The following PDE8A variants were observed in gnomAD, a reference collection of about 807,000 sequenced individuals.
PDE8A encodes the protein phosphodiesterase 8A.
PDE8A carries 59 observed loss-of-function variants against 105.0 expected under a neutral mutation model. The ratio of observed to expected loss-of-function variants is 0.56; its 90% CI spans 0.46 to 0.70. The LOEUF (loss-of-function observed/expected upper bound fraction) is 0.70. Among genes scored for constraint, PDE8A ranks in the 30% least tolerant of loss-of-function variants. The pLI is 0.00. For synonymous variants in PDE8A, 355 were observed against 371.9 expected, an observed-to-expected ratio of 0.95 and a Z score of 0.52; for missense variants, 1,014 against 1,045.9, an observed-to-expected ratio of 0.97 and a Z score of 0.42.
intron 1 of PDE8A, among the ~76,000 whole-genome samples, chr15:84,988,969 C>T (rs1269412886): frequency 6.6e-6 from 1 of 152,210 alleles, no homozygotes; most frequent in Admixed American, 6.5e-5. Flanking sequence ...TTAGATTTAA[C>T]AAAAGTTGTT....
Position 85,115,978 on chromosome 15 carries a change from T to C in PDE8A, c.1400-6T>C. ...TATTTGTTCTCCAAATTACATCACT[T>C]TACAGACACTCAAATGGTTTCAAGC... On this transcript the variant is annotated splice_region_variant and splice_polypyrimidine_tract_variant and intron_variant, in intron 15 of 21. Coordinates refer to ENST00000394553, the MANE Select transcript of PDE8A (RefSeq NM_002605.3). The C allele has an allele frequency of 1.9e-6, 3 of 1,612,190 alleles. No homozygotes were observed. The highest frequency in any genetic ancestry group is 2.5e-6 in the Non-Finnish European group (3 of 1,178,368).
At chr15:85,019,378 T>A (rs1171140188) in intron 1 of PDE8A, among the ~76,000 whole-genome samples, 1 of 152,004 alleles carries the variant, frequency 6.6e-6, no homozygotes, top group East Asian at 1.9e-4. Context: ...ATTTAAAAAA[T>A]TTTTGATTTG....
intron 3 of PDE8A, among the ~76,000 whole-genome samples, chr15:85,074,756 T>A (rs1334447931): frequency 6.6e-6 from 1 of 152,258 alleles, no homozygotes; most frequent in African/African-American, 2.4e-5. Context: ...TTTGAGAGAC[T>A]TGAGAACTAG....
chr15:85,098,193 C>T (rs2081792932), intron 9 of PDE8A, among the ~76,000 whole-genome samples, 157 bp downstream of exon 9: 2 of 152,182 alleles, frequency 1.3e-5, no homozygotes, highest in Non-Finnish European at 2.9e-5. Flanking sequence ...TGGTGACTTC[C>T]TCATGGCTAC....
rs113162501 is a variant in PDE8A at position 85,053,615 on chromosome 15, G to A, written c.187-10755G>A. Among the ~76,000 whole-genome samples, 24 of 142,188 alleles carry A rather than the reference G, an allele frequency of 1.7e-4. No individual in the cohort carries two copies. In the South Asian group the frequency reaches 3.7e-3, roughly 22 times the overall value. 93.3% of individuals were successfully genotyped at this position (142,188 alleles called of 152,430 possible). The stretch of plus-strand genomic sequence containing the variant: ...ATGGGAGTTCACTCATGATTTGGCT[G>A]TCTGTCTGTTATTGGTGTATAGGAA... On this transcript the variant is annotated intron_variant, in intron 1 of 21. Coordinates refer to ENST00000394553, the MANE Select transcript of PDE8A (RefSeq NM_002605.3).
At chr15:85,115,675 G>A (rs1390945003) in intron 15 of PDE8A, 188 bp downstream of exon 15, 4 of 545,988 alleles carry the variant, frequency 7.3e-6, no homozygotes, top group Admixed American at 7.4e-5. Context: ...CGGGAGCGGT[G>A]GCTCACACCG....
At chr15:85,124,524 T>G (rs1414842983) in intron 19 of PDE8A, among the ~76,000 whole-genome samples, 1 of 152,222 alleles carries the variant, frequency 6.6e-6, no homozygotes, top group Non-Finnish European at 1.5e-5. Flanking sequence ...CATAATTCCT[T>G]GACTTCTAAC....
intron 19 of PDE8A, among the ~76,000 whole-genome samples, chr15:85,124,314 G>C (rs1413176751): frequency 6.6e-6 from 1 of 152,088 alleles, no homozygotes; most frequent in Non-Finnish European, 1.5e-5. Flanking sequence ...TTAAGAACTG[G>C]TGCCTATTAT....
chr15:84,990,273 G>T (rs184170502), intron 1 of PDE8A, among the ~76,000 whole-genome samples: 15 of 152,266 alleles, frequency 9.9e-5, no homozygotes, highest in Non-Finnish European at 1.8e-4. Flanking sequence ...AATTTTATGT[G>T]TACCATTTGT....
At chr15:85,004,420 C>T (rs368929803) in intron 1 of PDE8A, among the ~76,000 whole-genome samples, 14 of 152,302 alleles carry the variant, frequency 9.2e-5, no homozygotes, top group East Asian at 5.8e-4. Context: ...AGATGTTCCT[C>T]CCACCTCCCT....
intron 1 of PDE8A, among the ~76,000 whole-genome samples, chr15:84,984,102 A>G (rs1327939815): frequency 6.6e-6 from 1 of 152,266 alleles, no homozygotes; most frequent in Non-Finnish European, 1.5e-5. Context: ...TAACTGATTG[A>G]TGAAACTTTT....
intron 11 of PDE8A, among the ~76,000 whole-genome samples, chr15:85,108,197 G>A (rs2081972682): frequency 6.6e-6 from 1 of 152,210 alleles, no homozygotes; most frequent in South Asian, 2.1e-4. Flanking sequence ...CAAGTGAAGA[G>A]CCTTTTCGAT....
At chr15:85,039,545 G>T (rs2080766384) in intron 1 of PDE8A, among the ~76,000 whole-genome samples, 1 of 151,838 alleles carries the variant, frequency 6.6e-6, no homozygotes, top group African/African-American at 2.4e-5. Flanking sequence ...CAGTATGGAG[G>T]TTCCTAAAAA....
rs533283426 is a variant in PDE8A at position 85,003,228 on chromosome 15, A to G, written c.186+20880A>G. Among the ~76,000 whole-genome samples, 19 of 152,238 alleles carry G rather than the reference A, an allele frequency of 1.2e-4. No homozygotes were observed. In the South Asian group the frequency reaches 1.9e-3, roughly 15 times the overall value. On this transcript the variant is annotated intron_variant, in intron 1 of 21. Coordinates refer to ENST00000394553, the MANE Select transcript of PDE8A (RefSeq NM_002605.3). The stretch of plus-strand genomic sequence containing the variant: ...CAAATGAAACCAGGACTTTTTTTCC[A>G]TCTTTCCCTGTCATTGGTGCCATCT...
chr15:85,037,237 GTAT>G (rs1260738855), intron 1 of PDE8A, among the ~76,000 whole-genome samples: 1 of 151,950 alleles, frequency 6.6e-6, no homozygotes, highest in Non-Finnish European at 1.5e-5. Context: ...AGCTAATTTT[GTAT>G]TTTTAGTAGA....
upstream of PDE8A, among the ~76,000 whole-genome samples, chr15:84,981,707 G>A (rs1473532631): frequency 1.3e-5 from 2 of 151,352 alleles, no homozygotes; most frequent in African/African-American, 4.8e-5. Context: ...CGGCGGCGGC[G>A]GCGGGAGCGG....
At chr15:85,055,211 T>C (rs1450659019) in intron 1 of PDE8A, among the ~76,000 whole-genome samples, 2 of 152,240 alleles carry the variant, frequency 1.3e-5, no homozygotes, top group African/African-American at 4.8e-5. Context: ...TTACATTTGC[T>C]GAGGAGTGCT....
chr15:85,135,053 G>A (rs1241640874), intron 20 of PDE8A, among the ~76,000 whole-genome samples: 1 of 152,168 alleles, frequency 6.6e-6, no homozygotes, highest in African/African-American at 2.4e-5. Context: ...TCCCCTGGAG[G>A]GCCTGTGAGT....
intron 8 of PDE8A, 49 bp downstream of exon 8, chr15:85,091,230 G>T: frequency 6.6e-7 from 1 of 1,512,614 alleles, no homozygotes; most frequent in South Asian, 1.3e-5. Flanking sequence ...ACAGAGAGAA[G>T]GAAGACTTAG....
Sources: allele counts gnomAD v4.1 joint callset (sites outside exome capture counted in the v4.1 genomes callset), GRCh38; gene constraint gnomAD v4.1.1; transcripts MANE v1.5; gene names NCBI Gene and HGNC (gene_info 2026-07-23, HGNC 2026-07-21).